Variants in LRRC49 observed in about 807,000 individuals in gnomAD.
The protein encoded by LRRC49 is leucine rich repeat containing 49, also known as leucine-rich repeat-containing protein 49.
LRRC49 carries 50 observed loss-of-function variants against 83.3 expected under a neutral mutation model. The ratio of observed to expected loss-of-function variants is 0.60; its 90% confidence interval spans 0.48 to 0.76. The LOEUF (loss-of-function observed/expected upper bound fraction) is 0.76. Ranked by LOEUF, LRRC49 falls within the 30% of genes least tolerant of loss-of-function variation. LRRC49 has a pLI of 0.00. For synonymous variants in LRRC49, 286 were observed against 283.3 expected (o/e 1.01, Z -0.10); for missense variants, 704 against 809.1 (o/e 0.87, Z 1.58).
chr15:70,995,685 G>A (rs2038051530), intron 11 of LRRC49, among the ~76,000 whole-genome samples: 2 of 152,148 alleles, frequency 1.3e-5, no homozygotes, highest in Admixed American at 1.3e-4. Flanking sequence ...GTGGATTGCA[G>A]ACTATTAACG....
intron 8 of LRRC49, among the ~76,000 whole-genome samples, chr15:70,956,160 G>A (rs1351401996): frequency 2.6e-5 from 4 of 152,144 alleles, no homozygotes; most frequent in African/African-American, 9.7e-5. Context: ...TTTAGGAATT[G>A]TTAGTTAAAT....
At chr15:70,919,256 G>T (rs1278095939) in intron 7 of LRRC49, 63 bp downstream of exon 7, 7 of 1,369,554 alleles carry the variant, frequency 5.1e-6, no homozygotes, top group Non-Finnish European at 6.0e-6. Flanking sequence ...TGAAACAAAT[G>T]TTGTAATATG....
chr15:71,045,325 T>C (rs2039822536), intron 15 of LRRC49, among the ~76,000 whole-genome samples: 1 of 152,368 alleles, frequency 6.6e-6, no homozygotes, highest in Admixed American at 6.5e-5. Flanking sequence ...GTCCAAAACC[T>C]ACACTCAACT....
intron 14 of LRRC49, among the ~76,000 whole-genome samples, chr15:71,032,188 G>T (rs1367887485): frequency 6.6e-6 from 1 of 152,194 alleles, no homozygotes; most frequent in Non-Finnish European, 1.5e-5. Flanking sequence ...TAGTAACCCA[G>T]CGGGGTAGCA....
At chr15:70,863,720 G>T (rs2032847508) in intron 1 of LRRC49, among the ~76,000 whole-genome samples, 1 of 152,234 alleles carries the variant, frequency 6.6e-6, no homozygotes, top group African/African-American at 2.4e-5. Context: ...TTGTTTGCCT[G>T]TGGGCCAAGG....
At chr15:71,014,336 A>G (rs2038754957) in intron 14 of LRRC49, among the ~76,000 whole-genome samples, 1 of 152,216 alleles carries the variant, frequency 6.6e-6, no homozygotes, top group Non-Finnish European at 1.5e-5. Context: ...CTAATTAACA[A>G]TAAAAATTGA....
chr15:70,945,229 A>C (rs1004610243), intron 8 of LRRC49, among the ~76,000 whole-genome samples: 14 of 152,140 alleles, frequency 9.2e-5, no homozygotes, highest in Admixed American at 8.5e-4. Context: ...ATGATCTGTA[A>C]GTACCCTCAG....
chr15:70,948,652 C>G (rs1356020773), intron 8 of LRRC49, among the ~76,000 whole-genome samples: 1 of 151,908 alleles, frequency 6.6e-6, no homozygotes, highest in African/African-American at 2.4e-5. Context: ...CCTTTCTGGC[C>G]CAACAAGATG....
intron 7 of LRRC49, among the ~76,000 whole-genome samples, chr15:70,928,449 T>C (rs953786181): frequency 3.9e-5 from 6 of 152,174 alleles, no homozygotes; most frequent in African/African-American, 1.2e-4. Context: ...AGTTGTAAGA[T>C]AATGTTAGAT....
Position 71,049,599 on chromosome 15 carries a change from C to G in LRRC49, c.2048C>G (p.Thr683Arg). 1 of 1,596,176 alleles carries G rather than the reference C, an allele frequency of 6.3e-7. No individual in the cohort carries two copies. The change falls in exon 16 of 16, where the codon ACA becomes AGA. Residue 683 changes from threonine to arginine, a missense_variant. By Grantham distance (71) the Thr-to-Arg change is moderately conservative. This residue lies in a region of LRRC49 where 275 missense variants were observed against 338.0 expected (regional missense o/e 0.81). Coordinates refer to ENST00000260382, the MANE Select transcript of LRRC49 (RefSeq NM_017691.5). ...SYMKLCLQQI[T>R]DQK ...ATGAAGCTCTGCCTACAGCAGATAA[C>G]AGACCAAAAATAAAAATGGCCTTTA... is the stretch of plus-strand genomic sequence containing the variant.
chr15:70,979,674 G>T (rs1365010946), intron 9 of LRRC49, among the ~76,000 whole-genome samples: 2 of 151,866 alleles, frequency 1.3e-5, no homozygotes, highest in East Asian at 1.9e-4. Flanking sequence ...ATTTACCCTG[G>T]TTTTTTCATC....
At position 70,867,772 on chromosome 15, in the gene LRRC49, A is replaced by G. The variant is rs1346135425; in HGVS notation, c.-298-5136A>G. On this transcript the variant is annotated intron_variant, in intron 1 of 16. Transcript: ENST00000544974. ...TGGCGTGCTATATGAAGGGCACTGGAAAGACTTTTGCTCCCCAATTTTCTC... is the reference window on the plus strand; with the variant it reads ...TGGCGTGCTATATGAAGGGCACTGGGAAGACTTTTGCTCCCCAATTTTCTC... Among the ~76,000 whole-genome samples, 3 of 152,168 alleles carry G rather than the reference A, an allele frequency of 2.0e-5. No individual in the cohort carries two copies. In the East Asian group the frequency reaches 5.8e-4, roughly 29 times the overall value.
intron 1 of LRRC49, among the ~76,000 whole-genome samples, chr15:70,866,234 G>A (rs1595967957): frequency 6.6e-6 from 1 of 152,002 alleles, no homozygotes; most frequent in East Asian, 1.9e-4. Context: ...TGCAACCTCT[G>A]CCTCCGGGTT....
At chr15:70,881,249 C>T (rs1253976412) in intron 2 of LRRC49, 1 of 152,146 alleles carries the variant, frequency 6.6e-6, no homozygotes, top group Non-Finnish European at 1.5e-5. Context: ...AAACAAAAAA[C>T]AGTCATCTCA....
At chr15:70,975,028 GT>G (rs2037156830) in intron 9 of LRRC49, among the ~76,000 whole-genome samples, 1 of 152,198 alleles carries the variant, frequency 6.6e-6, no homozygotes, top group African/African-American at 2.4e-5. Flanking sequence ...ATTATGAGAT[GT>G]GATTATTAAA....
chr15:70,930,242 T>G (rs2035357413), intron 7 of LRRC49, among the ~76,000 whole-genome samples: 1 of 152,232 alleles, frequency 6.6e-6, no homozygotes, highest in Non-Finnish European at 1.5e-5. Context: ...TTAGCAGGCA[T>G]GAAAACAACA....
intron 11 of LRRC49, among the ~76,000 whole-genome samples, chr15:70,987,583 C>T (rs1472953184): frequency 4.6e-5 from 7 of 152,056 alleles, no homozygotes; most frequent in Non-Finnish European, 1.0e-4. Context: ...TTTCAAAAAA[C>T]CAGCTCCTGG....
At chr15:71,026,557 G>C (rs1431109428) in intron 14 of LRRC49, among the ~76,000 whole-genome samples, 1 of 152,088 alleles carries the variant, frequency 6.6e-6, no homozygotes, top group Non-Finnish European at 1.5e-5. Context: ...CTTCACCCCA[G>C]CCTGGGTGAC....
At chr15:70,886,099 C>T (rs1239277058) in intron 2 of LRRC49, among the ~76,000 whole-genome samples, 2 of 151,946 alleles carry the variant, frequency 1.3e-5, no homozygotes, top group African/African-American at 4.8e-5. Flanking sequence ...AAGATAAAAT[C>T]ACAATGGAAA....
Sources: allele counts gnomAD v4.1 joint callset (sites outside exome capture counted in the v4.1 genomes callset), GRCh38; gene constraint gnomAD v4.1.1; regional missense constraint gnomAD v4.1.1; transcripts MANE v1.5; gene names NCBI Gene and HGNC (gene_info 2026-07-23, HGNC 2026-07-21).